Variants in RRP1B observed in about 807,000 individuals in gnomAD.
RRP1B encodes ribosomal RNA processing 1B, also known as ribosomal RNA processing protein 1 homolog B.
RRP1B carries 56 observed loss-of-function variants against 80.2 expected under a neutral mutation model. The ratio of observed to expected loss-of-function variants is 0.70; its 90% CI spans 0.56 to 0.87. RRP1B has a LOEUF of 0.87. Ranked by LOEUF, RRP1B falls within the 40% of genes least tolerant of loss-of-function variation. The pLI is 0.00. For synonymous variants in RRP1B, 351 were observed against 357.6 expected, an observed-to-expected ratio of 0.98 and a Z score of 0.21; for missense variants, 807 against 939.8, an observed-to-expected ratio of 0.86 and a Z score of 1.85.
Position 43,676,355 on chromosome 21 carries a change from C to T in RRP1B, c.614+19C>T, listed in dbSNP as rs765059785. The T allele has an allele frequency of 1.0e-5, 16 of 1,590,736 alleles. No individual in the cohort carries two copies. Among genetic ancestry groups the T allele is most frequent in the Admixed American group, 8.4e-5 (5 of 59,454 alleles). On this transcript the variant is annotated intron_variant, in intron 7 of 15. Transcript: ENST00000340648. ...CGAAGGAGTAAGTGATTCCCCTGTT[C>T]GTTCCTCCTGCTCCGTGGCATTTGC...
intron 2 of RRP1B, among the ~76,000 whole-genome samples, chr21:43,671,656 G>A (rs1002168320): frequency 6.6e-6 from 1 of 151,026 alleles, no homozygotes; most frequent in African/African-American, 2.4e-5. Context: ...TTACAGGCAT[G>A]AGCTGCCCAG....
chr21:43,659,614 G>C lies in RRP1B; in HGVS notation c.-51G>C. On this transcript the variant is annotated 5_prime_UTR_variant, in exon 1 of 16. Coordinates refer to ENST00000340648, the MANE Select transcript of RRP1B (RefSeq NM_015056.3). The surrounding 1 kb of genome is among the most constrained non-coding windows in gnomAD (Gnocchi z 4.2). ...GCTGGCTGCTCCGCAGCGCTCGGCT[G>C]GCTGCAGCGGCACCGCGGGTTGCGC... is the stretch of plus-strand genomic sequence containing the variant. 1 of 1,395,346 alleles carries C rather than the reference G, an allele frequency of 7.2e-7. No individual in the cohort carries two copies. Among genetic ancestry groups the C allele is most frequent in the African/African-American group, 1.5e-5 (1 of 66,098 alleles). The allele number at this position is 1,395,346 out of a possible 1,614,324, so 86.4% of individuals were successfully genotyped here.
intron 1 of RRP1B, 148 bp from the exon 2 acceptor site, chr21:43,669,736 T>G: frequency 1.8e-6 from 1 of 553,034 alleles, no homozygotes; most frequent in South Asian, 2.7e-5. Flanking sequence ...GTGTTTCTTT[T>G]ATAACAATAA....
chr21:43,676,616 C>T (rs922249104), intron 7 of RRP1B, 117 bp from the exon 8 acceptor site: 20 of 959,494 alleles, frequency 2.1e-5, no homozygotes, highest in Admixed American at 2.7e-5. Context: ...CTTGCTGGCC[C>T]GTGGGGGCCA....
intron 8 of RRP1B, among the ~76,000 whole-genome samples, chr21:43,682,199 GT>G (rs1475718443): frequency 6.6e-6 from 1 of 152,174 alleles, no homozygotes; most frequent in East Asian, 1.9e-4. Flanking sequence ...GGTCATGGGA[GT>G]AGTCTCTGGG....
In RRP1B at chr21:43,691,038, G is replaced by A. The variant is rs1021793801; in HGVS notation, c.2020-401G>A. Among the ~76,000 whole-genome samples the A allele has an allele frequency of 1.3e-5, 2 of 152,204 alleles. No homozygotes were observed. The highest frequency in any genetic ancestry group is 6.5e-5 in the Admixed American group (1 of 15,280). On this transcript the variant is annotated intron_variant, in intron 14 of 15. Transcript: ENST00000340648. This position sits in a 1 kb window ranked among gnomAD's most constrained non-coding sequence, Gnocchi z 4.2. Reference sequence around the variant, plus strand: ...CAGAACTCTCCAGCAAAAGGCAGGGGAGTCTTGGCATTTTTCCTCACGGGT... The same window carrying A: ...CAGAACTCTCCAGCAAAAGGCAGGGAAGTCTTGGCATTTTTCCTCACGGGT...
intron 1 of RRP1B, among the ~76,000 whole-genome samples, chr21:43,667,760 G>C (rs375023533): frequency 1.3e-5 from 2 of 152,122 alleles, no homozygotes; most frequent in African/African-American, 2.4e-5. Flanking sequence ...CATTATCCAC[G>C]TGAGGATCCC....
chr21:43,690,959 A>G (rs2083083950), intron 14 of RRP1B, among the ~76,000 whole-genome samples: 1 of 152,198 alleles, frequency 6.6e-6, no homozygotes, highest in South Asian at 2.1e-4. Context: ...TTGCAGTGAG[A>G]TTCCATCATA....
chr21:43,683,412 G>A, intron 9 of RRP1B, 39 bp downstream of exon 9: 1 of 1,518,764 alleles, frequency 6.6e-7, no homozygotes. Context: ...ATATAGATTT[G>A]CTGTGGAGTA....
chr21:43,669,961 C>G lies in RRP1B; in HGVS notation c.208C>G (p.Leu70Val). The G allele has an allele frequency of 6.2e-7, 1 of 1,603,846 alleles. No homozygotes were observed. The highest frequency in any genetic ancestry group is 8.5e-7 in the Non-Finnish European group (1 of 1,172,390). ...CATGTGGGTGCAGGATGAACCCCTT[C>G]TACAGGTAACATGCGTTCCCTTTGT... ...YCMWVQDEPLLQEELANTIAQ... is the reference protein window; with the variant it reads ...YCMWVQDEPLVQEELANTIAQ... Residue 70 changes from leucine (L) to valine (V), a missense_variant, in exon 2 of 16, where the codon CTA (leucine) becomes GTA (valine). Leu to Val is a conservative substitution (Grantham distance 32). Transcript: ENST00000340648.
intron 11 of RRP1B, 32 bp downstream of exon 11, chr21:43,685,821 GT>G: frequency 6.3e-7 from 1 of 1,589,838 alleles, no homozygotes; most frequent in Non-Finnish European, 8.6e-7. Context: ...CATTCATGGT[GT>G]TTTTCGTGAA....
At chr21:43,663,022 T>A (rs1272719412) in intron 1 of RRP1B, among the ~76,000 whole-genome samples, 1 of 152,162 alleles carries the variant, frequency 6.6e-6, no homozygotes, top group Non-Finnish European at 1.5e-5. Flanking sequence ...TCAGTGTAGA[T>A]GATGGAGGAT....
At chr21:43,678,656 T>G (rs894704678) in intron 8 of RRP1B, among the ~76,000 whole-genome samples, 1 of 152,214 alleles carries the variant, frequency 6.6e-6, no homozygotes. Flanking sequence ...TTTGAGTTCC[T>G]TGTAGATTCT....
rs1266267554 is a variant in RRP1B at position 43,693,846 on chromosome 21, G to C, written c.*463G>C. The C allele has an allele frequency of 6.5e-6, 1 of 153,858 alleles. No homozygotes were observed. The highest frequency in any genetic ancestry group is 1.4e-5 in the Non-Finnish European group (1 of 69,340). The allele number at this position is 153,858 out of a possible 1,614,324, so 9.5% of individuals were successfully genotyped here. A position where few individuals can be genotyped will look rare whatever the true frequency, so the allele number is the denominator to read the frequency against. On this transcript the variant is annotated 3_prime_UTR_variant, in exon 16 of 16. Transcript: ENST00000340648. This position sits in a 1 kb window ranked among gnomAD's most constrained non-coding sequence, Gnocchi z 4.1. ...CTTAACAGTCTGTTTTCTTTTAAAA[G>C]CATGTAGGGCTTCATTGCCATGTTC...
rs75550908 is a variant in RRP1B, at chr21:43,659,677, A to T, written c.13A>T (p.Met5Leu). ...TCCAGCGGGCGCGATGGCCCCCGCC[A>T]TGCAGCCGGCCGAGATCCAATTTGC... is the stretch of plus-strand genomic sequence containing the variant. MAPA[M>L]QPAEIQFAQR... The change falls in exon 1 of 16, where the codon ATG becomes TTG. Residue 5 changes from methionine (M) to leucine (L), a missense_variant. Met to Leu is a conservative substitution (Grantham distance 15). Coordinates refer to ENST00000340648, the MANE Select transcript of RRP1B (RefSeq NM_015056.3). This position sits in a 1 kb window ranked among gnomAD's most constrained non-coding sequence, Gnocchi z 4.2. 6.6e-7 allele frequency: 1 copy of T among 1,514,428 alleles called. No individual in the cohort carries two copies. The highest frequency in any genetic ancestry group is 2.7e-5 in the East Asian group (1 of 36,724). 93.8% of individuals were successfully genotyped at this position (1,514,428 alleles called of 1,614,324 possible).
Position 43,691,047 on chromosome 21 carries a change from C to T in RRP1B, c.2020-392C>T, listed in dbSNP as rs2083084314. Among the ~76,000 whole-genome samples the T allele has an allele frequency of 6.6e-6, 1 of 152,188 alleles. No homozygotes were observed. Among genetic ancestry groups the T allele is most frequent in the Non-Finnish European group, 1.5e-5 (1 of 68,034 alleles). The stretch of plus-strand genomic sequence containing the variant: ...CCAGCAAAAGGCAGGGGAGTCTTGG[C>T]ATTTTTCCTCACGGGTTCTCAGTGG... On this transcript the variant is annotated intron_variant, in intron 14 of 15. Coordinates refer to ENST00000340648, the MANE Select transcript of RRP1B (RefSeq NM_015056.3). This position sits in a 1 kb window ranked among gnomAD's most constrained non-coding sequence, Gnocchi z 4.2.
intron 8 of RRP1B, 21 bp downstream of exon 8, chr21:43,676,935 A>C: frequency 6.2e-7 from 1 of 1,605,468 alleles, no homozygotes; most frequent in Non-Finnish European, 8.5e-7. Flanking sequence ...GTTCTTGGTC[A>C]GTGTAGCTTT....
intron 1 of RRP1B, among the ~76,000 whole-genome samples, chr21:43,669,592 C>A (rs1279988154): frequency 6.6e-6 from 1 of 152,094 alleles, no homozygotes; most frequent in Non-Finnish European, 1.5e-5. Flanking sequence ...TGATGAGGAG[C>A]CGATTTCATA....
chr21:43,695,835 T>C lies in RRP1B; in HGVS notation c.*2452T>C, dbSNP rs2083105071. ...GGTATCTGACTTTACAAGTTTGTTA[T>C]CCTTTCTAATTTTTACTGAACTGAA... On this transcript the variant is annotated 3_prime_UTR_variant, in exon 16 of 16. Coordinates refer to ENST00000340648, the MANE Select transcript of RRP1B (RefSeq NM_015056.3). 6.6e-6 allele frequency: 1 copy of C among 152,238 alleles called. No individual in the cohort carries two copies. The allele number at this position is 152,238 out of a possible 1,614,324, so 9.4% of individuals were successfully genotyped here.
Sources: allele counts gnomAD v4.1 joint callset (sites outside exome capture counted in the v4.1 genomes callset), GRCh38; gene constraint gnomAD v4.1.1; non-coding constraint Gnocchi (gnomAD v3.1); transcripts MANE v1.5; gene names NCBI Gene and HGNC (gene_info 2026-07-23, HGNC 2026-07-21).